The following MPP7 variants were observed in gnomAD, a reference collection of about 807,000 sequenced individuals.
MPP7 encodes MAGUK p55 scaffold protein 7.
Under a neutral mutation model 76.5 loss-of-function variants are expected in MPP7, and 60 were observed. The observed-to-expected ratio is 0.78, with a 90% CI of 0.64 to 0.97. The LOEUF (loss-of-function observed/expected upper bound fraction) is 0.97, where lower values mean the gene tolerates loss of function less well. Ranked by LOEUF, MPP7 falls within the 50% of genes least tolerant of loss-of-function variation. The pLI, the probability that MPP7 is intolerant of heterozygous loss-of-function variation, is 0.00. For missense variants in MPP7, 641 were observed against 694.0 expected (o/e 0.92, Z 0.86); for synonymous variants, 237 against 244.5 (o/e 0.97, Z 0.29).
intron 1 of MPP7, among the ~76,000 whole-genome samples, chr10:28,276,102 C>G (rs1041719162): frequency 4.0e-5 from 6 of 149,266 alleles, no homozygotes; most frequent in African/African-American, 1.5e-4. Flanking sequence ...ATGATCTCAG[C>G]TCACTGCAAA....
intron 3 of MPP7, among the ~76,000 whole-genome samples, chr10:28,164,604 C>T (rs1231969339): frequency 5.3e-5 from 8 of 152,092 alleles, no homozygotes; most frequent in African/African-American, 1.9e-4. Flanking sequence ...GAGTGTCCAA[C>T]CTGTGGCCCA....
chr10:28,112,743 C>G (rs968865788), intron 11 of MPP7, among the ~76,000 whole-genome samples: 1 of 152,154 alleles, frequency 6.6e-6, no homozygotes, highest in Non-Finnish European at 1.5e-5. Flanking sequence ...ATGATTATTA[C>G]TATGTGGAAG....
intron 11 of MPP7, among the ~76,000 whole-genome samples, chr10:28,101,861 T>C (rs1417177755): frequency 6.6e-6 from 1 of 152,148 alleles, no homozygotes; most frequent in Non-Finnish European, 1.5e-5. Flanking sequence ...GAAGCAATTA[T>C]ACTTTGGAAG....
intron 11 of MPP7, among the ~76,000 whole-genome samples, chr10:28,108,221 C>G (rs1441919684): frequency 6.6e-6 from 1 of 152,128 alleles, no homozygotes; most frequent in Non-Finnish European, 1.5e-5. Flanking sequence ...AAATACAATA[C>G]CACTAACCTC....
At chr10:28,197,894 A>AC (rs1837640887) in intron 3 of MPP7, among the ~76,000 whole-genome samples, 1 of 152,256 alleles carries the variant, frequency 6.6e-6, no homozygotes, top group South Asian at 2.1e-4. Flanking sequence ...AAAAATATAT[A>AC]CCTACTATGT....
chr10:28,224,563 T>C (rs911106059), intron 2 of MPP7, among the ~76,000 whole-genome samples: 10 of 152,352 alleles, frequency 6.6e-5, no homozygotes, highest in African/African-American at 2.4e-4. Flanking sequence ...TGTCCTTCAT[T>C]AAATTAAAAA....
chr10:28,211,979 G>A (rs1838152773), intron 2 of MPP7, among the ~76,000 whole-genome samples: 1 of 152,194 alleles, frequency 6.6e-6, no homozygotes, highest in African/African-American at 2.4e-5. Context: ...GCCAGGCGCA[G>A]TGGCTCGCCT....
At position 28,286,234 on chromosome 10, in the gene MPP7, T is replaced by C. The variant is rs1840787857; in HGVS notation, c.-132+16627A>G. ...GGTGGTGGTCGCCTGTGGTCCCAGC[T>C]ACTCAGGAGGCTGAGGCAGGAGAAT... is the stretch of plus-strand genomic sequence containing the variant. On this transcript the variant is annotated intron_variant, in intron 1 of 16. Transcript: ENST00000683449. 5.3e-5 allele frequency among the ~76,000 whole-genome samples: 8 copies of C among 151,702 alleles called. No homozygotes were observed. The South Asian group carries it at 1.7e-3, about 32-fold the overall frequency.
At chr10:28,212,692 C>T (rs919427237) in intron 2 of MPP7, among the ~76,000 whole-genome samples, 5 of 152,164 alleles carry the variant, frequency 3.3e-5, no homozygotes, top group African/African-American at 1.2e-4. Context: ...GAGGAGGGAC[C>T]AGCAACCACT....
At chr10:28,312,823 C>G (rs1365767604) in intron 2 of MPP7, among the ~76,000 whole-genome samples, 2 of 152,194 alleles carry the variant, frequency 1.3e-5, no homozygotes, top group Non-Finnish European at 2.9e-5. Context: ...ACTATGCCAG[C>G]ATTAATTAAT....
intron 5 of MPP7, among the ~76,000 whole-genome samples, chr10:28,142,082 G>A (rs1340982757): frequency 6.6e-6 from 1 of 151,950 alleles, no homozygotes. Flanking sequence ...AAAGAAAATA[G>A]GAAAGACAAT....
chr10:28,143,581 C>CGTGTGCTCTGTGTGTGTGTG (rs765475349), intron 5 of MPP7, among the ~76,000 whole-genome samples: 5 of 151,678 alleles, frequency 3.3e-5, no homozygotes, highest in Non-Finnish European at 7.4e-5. Flanking sequence ...GTATTCCTAT[C>CGTGTGCTCTGTGTGTGTGTG]TTTGTGGATC....
intron 1 of MPP7, among the ~76,000 whole-genome samples, chr10:28,270,532 A>AAAGGGG (rs1304530937): frequency 4.5e-4 from 7 of 15,510 alleles, no homozygotes; most frequent in Non-Finnish European, 6.0e-4. Context: ...AAAAAAAAAA[A>AAAGGGG]GGGGGGGGGG....
At chr10:28,170,333 T>C (rs992206297) in intron 3 of MPP7, among the ~76,000 whole-genome samples, 36 of 151,762 alleles carry the variant, frequency 2.4e-4, no homozygotes, top group Admixed American at 4.6e-4. Flanking sequence ...TATTTTCTCT[T>C]TTTTTTAATT....
At chr10:28,176,190 G>A (rs1257390270) in intron 3 of MPP7, among the ~76,000 whole-genome samples, 1 of 151,972 alleles carries the variant, frequency 6.6e-6, no homozygotes, top group Non-Finnish European at 1.5e-5. Flanking sequence ...GGGGGCAGAG[G>A]GTGCAGTGAG....
At chr10:28,237,491 A>G (rs1261245866) in intron 2 of MPP7, among the ~76,000 whole-genome samples, 1 of 152,272 alleles carries the variant, frequency 6.6e-6, no homozygotes, top group African/African-American at 2.4e-5. Flanking sequence ...TTGATGGATA[A>G]AGATGAGACA....
At chr10:28,164,840 T>C (rs1836392751) in intron 3 of MPP7, among the ~76,000 whole-genome samples, 1 of 152,106 alleles carries the variant, frequency 6.6e-6, no homozygotes, top group Non-Finnish European at 1.5e-5. Context: ...GAATAAGAAA[T>C]TACTTAATGG....
intron 11 of MPP7, among the ~76,000 whole-genome samples, chr10:28,108,341 A>T (rs1157319275): frequency 5.3e-5 from 8 of 152,170 alleles, no homozygotes; most frequent in Non-Finnish European, 1.2e-4. Context: ...AAAATAAGAG[A>T]GCTGAAGCAG....
chr10:28,282,589 G>A (rs1486828154), intron 1 of MPP7, among the ~76,000 whole-genome samples: 1 of 151,954 alleles, frequency 6.6e-6, no homozygotes, highest in Non-Finnish European at 1.5e-5. Flanking sequence ...ACGCACAATT[G>A]GGGCGGTGGG....
Sources: allele counts gnomAD v4.1 joint callset (sites outside exome capture counted in the v4.1 genomes callset), GRCh38; gene constraint gnomAD v4.1.1; transcripts MANE v1.5; gene names NCBI Gene and HGNC (gene_info 2026-07-23, HGNC 2026-07-21).